Variants in CATSPERE observed in about 807,000 individuals in gnomAD.
CATSPERE encodes the protein catsper channel auxiliary subunit epsilon, also known as cation channel sperm-associated auxiliary subunit epsilon.
Under a neutral mutation model 114.1 loss-of-function variants are expected in CATSPERE, and 93 were observed. That is an observed-to-expected ratio of 0.81 (90% CI 0.69 to 0.97). CATSPERE has a LOEUF of 0.97. Among genes scored for constraint, CATSPERE ranks in the 50% least tolerant of loss-of-function variants. CATSPERE has a pLI of 0.00. For synonymous variants in CATSPERE, 341 were observed against 384.1 expected (o/e 0.89, Z 1.31); for missense variants, 1,058 against 1,131.6 (o/e 0.93, Z 0.93).
In CATSPERE at chr1:244,617,419, G is replaced by A. The variant is rs1558602261; in HGVS notation, c.2491-110G>A. On this transcript the variant is annotated intron_variant, in intron 19 of 21. Coordinates refer to ENST00000366534, the MANE Select transcript of CATSPERE (RefSeq NM_001130957.2). ...AGAGCACTGCAGGGGTAAAATAGAA[G>A]GGAATAGCCATTACATCTCTAAATA... 6 of 797,714 alleles carry A rather than the reference G, an allele frequency of 7.5e-6. No homozygotes were observed. In the East Asian group the frequency reaches 1.7e-4, roughly 23 times the overall value. 49.4% of individuals were successfully genotyped at this position (797,714 alleles called of 1,614,324 possible).
At chr1:244,621,097 T>TAA (rs1672125839) in intron 20 of CATSPERE, among the ~76,000 whole-genome samples, 1 of 66,348 alleles carries the variant, frequency 1.5e-5, no homozygotes, top group Non-Finnish European at 2.8e-5. Context: ...ATATATAAAA[T>TAA]ATATATAAAT....
intron 10 of CATSPERE, among the ~76,000 whole-genome samples, chr1:244,562,050 A>C (rs1346594413): frequency 1.3e-5 from 2 of 150,550 alleles, no homozygotes; most frequent in Admixed American, 1.3e-4. Context: ...TACTCAGAAG[A>C]CTGAGGCAGG....
chr1:244,529,085 G>A (rs966082698), intron 8 of CATSPERE, among the ~76,000 whole-genome samples: 1 of 152,136 alleles, frequency 6.6e-6, no homozygotes, highest in African/African-American at 2.4e-5. Flanking sequence ...CCTGTTGATG[G>A]ACACTTAGGT....
chr1:244,524,093 C>T (rs59799384), intron 8 of CATSPERE, among the ~76,000 whole-genome samples: 17,360 of 151,328 alleles, frequency 0.11, 1,118 homozygotes, highest in South Asian at 0.16. Flanking sequence ...AACTATACTA[C>T]AAGGCTGCAG....
intron 8 of CATSPERE, among the ~76,000 whole-genome samples, chr1:244,532,659 A>T (rs3005954): frequency 6.6e-6 from 1 of 151,980 alleles, no homozygotes; most frequent in African/African-American, 2.4e-5. Flanking sequence ...TTGATGTGTT[A>T]GAATAGTTAT....
At chr1:244,582,955 AT>A (rs1558539074) in intron 12 of CATSPERE, among the ~76,000 whole-genome samples, 36 of 2,168 alleles carry the variant, frequency 0.017, no homozygotes, top group African/African-American at 0.036. Context: ...ATATATATAT[AT>A]ATATATATAT....
intron 12 of CATSPERE, among the ~76,000 whole-genome samples, chr1:244,582,863 A>G (rs1300608525): frequency 1.4e-5 from 2 of 144,054 alleles, no homozygotes; most frequent in Non-Finnish European, 1.5e-5. Context: ...CAATCATCAA[A>G]TAAGTAATTT....
chr1:244,532,243 T>G (rs565419574), intron 8 of CATSPERE, among the ~76,000 whole-genome samples: 4 of 152,050 alleles, frequency 2.6e-5, no homozygotes, highest in African/African-American at 9.7e-5. Flanking sequence ...TTATTTATCT[T>G]TTCAAAAAAC....
At chr1:244,451,852 G>A (rs1665627559), upstream of CATSPERE, 6 of 1,524,736 alleles carry the variant, frequency 3.9e-6, no homozygotes, top group Non-Finnish European at 5.3e-6. This position sits in a 1 kb window ranked among gnomAD's most constrained non-coding sequence, Gnocchi z 6.6. Context: ...CGAAGGAGAG[G>A]CGGCCGGCGA....
In CATSPERE at chr1:244,603,882, C is replaced by T. The variant is rs144144437; in HGVS notation, c.2304-1813C>T. On this transcript the variant is annotated intron_variant, in intron 17 of 21. Transcript: ENST00000366534. ...AATTTACTGGGTGTGGTGGCACATA[C>T]CTGTAGTCCTAAAGTTAGGAGGATC... Among the ~76,000 whole-genome samples the T allele has an allele frequency of 4.0e-3, 613 of 152,172 alleles. 2 individuals carry two copies. Among genetic ancestry groups the T allele is most frequent in the Middle Eastern group, 0.01 (3 of 294 alleles).
Position 244,461,348 on chromosome 1 carries a change from C to T in CATSPERE, c.-82C>T. 3 of 1,228,966 alleles carry T rather than the reference C, an allele frequency of 2.4e-6. No individual in the cohort carries two copies. The highest frequency in any genetic ancestry group is 2.9e-4 in the Middle Eastern group (1 of 3,454). The allele number at this position is 1,228,966 out of a possible 1,614,324, so 76.1% of individuals were successfully genotyped here. On this transcript the variant is annotated 5_prime_UTR_variant, in exon 1 of 22. Coordinates refer to ENST00000366534, the MANE Select transcript of CATSPERE (RefSeq NM_001130957.2). Reference sequence around the variant, plus strand: ...CCGGGACCCAGGCGCCTGCAGCCGCCCGCCGGGCCGACGTCCCACGGGAAT... The same window carrying T: ...CCGGGACCCAGGCGCCTGCAGCCGCTCGCCGGGCCGACGTCCCACGGGAAT...
At position 244,503,067 on chromosome 1, in the gene CATSPERE, G is replaced by A. The variant is rs79834000; in HGVS notation, c.429+3988G>A. ...AATGATGCTTGAGTTGATGATGCTA[G>A]AGTTGATGGGAGATTCTATCAGGTT... is the stretch of plus-strand genomic sequence containing the variant. On this transcript the variant is annotated intron_variant, in intron 7 of 21. Coordinates refer to ENST00000366534, the MANE Select transcript of CATSPERE (RefSeq NM_001130957.2). 7.2e-5 allele frequency among the ~76,000 whole-genome samples: 11 copies of A among 152,278 alleles called. No homozygotes were observed. In the East Asian group the frequency reaches 1.7e-3, roughly 24 times the overall value.
At chr1:244,510,812 C>CTTTTTT (rs112249943) in intron 7 of CATSPERE, among the ~76,000 whole-genome samples, 18 of 84,174 alleles carry the variant, frequency 2.1e-4, no homozygotes, top group East Asian at 3.2e-4. Flanking sequence ...ACATTTCTTT[C>CTTTTTT]TTTTTTTTTT....
intron 20 of CATSPERE, among the ~76,000 whole-genome samples, chr1:244,619,100 A>G (rs1208383920): frequency 6.6e-6 from 1 of 152,196 alleles, no homozygotes; most frequent in East Asian, 1.9e-4. Flanking sequence ...GAGACATCTA[A>G]GCAAAGATGT....
At chr1:244,482,742 C>T (rs73129774) in intron 5 of CATSPERE, among the ~76,000 whole-genome samples, 15,798 of 152,138 alleles carry the variant, frequency 0.1, 994 homozygotes, top group East Asian at 0.21. Flanking sequence ...CCTCTTTATG[C>T]GCTACCAATC....
intron 11 of CATSPERE, among the ~76,000 whole-genome samples, chr1:244,579,656 T>C (rs1471186199): frequency 1.3e-5 from 2 of 152,218 alleles, no homozygotes; most frequent in East Asian, 3.8e-4. Context: ...AACTACTAGT[T>C]ATTCATAAAA....
chr1:244,538,684 A>T (rs988070172), intron 8 of CATSPERE, among the ~76,000 whole-genome samples: 2 of 152,196 alleles, frequency 1.3e-5, no homozygotes, highest in Non-Finnish European at 2.9e-5. Context: ...CCACACACAG[A>T]TTCCCCTAGG....
intron 8 of CATSPERE, among the ~76,000 whole-genome samples, chr1:244,523,574 A>G (rs1677987477): frequency 7.1e-6 from 1 of 141,630 alleles, no homozygotes; most frequent in Non-Finnish European, 1.5e-5. Flanking sequence ...ACATGATTGT[A>G]TATCTAGAAA....
intron 8 of CATSPERE, among the ~76,000 whole-genome samples, chr1:244,545,414 A>G (rs183091709): frequency 1.3e-5 from 2 of 152,322 alleles, no homozygotes; most frequent in South Asian, 2.1e-4. Flanking sequence ...GACCCAGGAT[A>G]AGAGAAGGCT....
Sources: gnomAD v4.1 joint callset for allele counts (sites outside exome capture counted in the v4.1 genomes callset) on GRCh38, gnomAD v4.1.1 for gene constraint, Gnocchi (gnomAD v3.1) non-coding constraint, MANE v1.5 for transcripts, NCBI Gene and HGNC (gene_info 2026-07-23, HGNC 2026-07-21) for gene names.